The following CDYL2 variants were observed in gnomAD, a reference collection of about 807,000 sequenced individuals.
CDYL2 encodes the protein chromodomain Y-like protein 2.
In CDYL2, 23 loss-of-function variants were observed where a neutral mutation model predicts 49.4. That is an observed-to-expected ratio of 0.47 (90% CI 0.34 to 0.66). The LOEUF is 0.66. Ranked by LOEUF, CDYL2 falls within the 30% of genes least tolerant of loss-of-function variation. The pLI is 0.01. For missense variants in CDYL2, 678 were observed against 656.4 expected, an observed-to-expected ratio of 1.03 and a Z score of -0.36; for synonymous variants, 360 against 268.8, an observed-to-expected ratio of 1.34 and a Z score of -3.32.
rs1907653330 is a variant in CDYL2, at chr16:80,633,201, T to A, written c.652A>T (p.Ser218Cys). The A allele has an allele frequency of 3.1e-6, 5 of 1,614,210 alleles. No homozygotes were observed. In the East Asian group the frequency reaches 1.1e-4, roughly 36 times the overall value. ...ALTNGGLNLHSPVKRKLEAEK... is the reference protein window; with the variant it reads ...ALTNGGLNLHCPVKRKLEAEK... ...GCTTCCAGCTTCCTCTTCACTGGAC[T>A]GTGCAGGTTCAATCCCCCGTTGGTC... Residue 218 changes from serine (S) to cysteine (C), a missense_variant, in exon 3 of 7, where the codon AGT becomes TGT. Coordinates refer to ENST00000570137, the MANE Select transcript of CDYL2 (RefSeq NM_152342.4).
At chr16:80,663,302 A>C (rs2142438581) in intron 2 of CDYL2, among the ~76,000 whole-genome samples, 1 of 151,476 alleles carries the variant, frequency 6.6e-6, no homozygotes, top group African/African-American at 2.4e-5. Context: ...GGGAGAGTTA[A>C]ATAAAAGAGA....
intron 2 of CDYL2, among the ~76,000 whole-genome samples, chr16:80,657,203 T>C (rs1567558591): frequency 2.6e-5 from 4 of 152,138 alleles, no homozygotes; most frequent in African/African-American, 9.7e-5. Context: ...CATGAAACAA[T>C]TTGACAAGGA....
At chr16:80,784,090 TA>T (rs552163427) in intron 1 of CDYL2, among the ~76,000 whole-genome samples, 148 of 152,336 alleles carry the variant, frequency 9.7e-4, no homozygotes, top group African/African-American at 3.5e-3. Flanking sequence ...TAAATATATA[TA>T]AGTACTTTTG....
At chr16:80,693,246 T>C (rs1910488737) in intron 1 of CDYL2, among the ~76,000 whole-genome samples, 1 of 152,156 alleles carries the variant, frequency 6.6e-6, no homozygotes, top group Non-Finnish European at 1.5e-5. Flanking sequence ...CAAAAGTCAC[T>C]TTTACACTGA....
At chr16:80,640,674 T>C (rs1019298369) in intron 2 of CDYL2, among the ~76,000 whole-genome samples, 1 of 152,170 alleles carries the variant, frequency 6.6e-6, no homozygotes, top group African/African-American at 2.4e-5. Context: ...GTAGCTGTTC[T>C]GAGGAAACTC....
At position 80,602,913 on chromosome 16, in the gene CDYL2, G is replaced by A. The variant is rs2315870; in HGVS notation, c.*1475C>T. On this transcript the variant is annotated 3_prime_UTR_variant, in exon 7 of 7. Coordinates refer to ENST00000570137, the MANE Select transcript of CDYL2 (RefSeq NM_152342.4). ...TCTGCTCTCAACTTCAGGTTTTCCT[G>A]AACTTTCTCCTCACCACTCAAAACC... 2.2e-5 allele frequency: 1 copy of A among 46,220 alleles called. No homozygotes were observed. Among genetic ancestry groups the A allele is most frequent in the Admixed American group, 2.3e-4 (1 of 4,360 alleles). 2.9% of individuals were successfully genotyped at this position (46,220 alleles called of 1,614,324 possible). A position where few individuals can be genotyped will look rare whatever the true frequency, so the allele number is the denominator to read the frequency against.
chr16:80,766,183 C>T (rs1260991758), intron 1 of CDYL2, among the ~76,000 whole-genome samples: 1 of 151,828 alleles, frequency 6.6e-6, no homozygotes, highest in East Asian at 1.9e-4. Context: ...ACGATAATGG[C>T]TGCACAACTC....
chr16:80,739,636 G>T (rs1212205636), intron 1 of CDYL2, among the ~76,000 whole-genome samples: 1 of 152,138 alleles, frequency 6.6e-6, no homozygotes, highest in Admixed American at 6.5e-5. Flanking sequence ...CCAGGAGTGT[G>T]CTGGCATCCT....
intron 2 of CDYL2, among the ~76,000 whole-genome samples, chr16:80,659,508 CACTAGAT>C (rs1908953831): frequency 6.6e-6 from 1 of 151,948 alleles, no homozygotes. Flanking sequence ...AAAATATCCA[CACTAGAT>C]ATTAAGGGGT....
intron 2 of CDYL2, chr16:80,670,973 G>T: frequency 2.2e-6 from 1 of 455,944 alleles, no homozygotes; most frequent in East Asian, 7.0e-5. Flanking sequence ...ATCTAAAGAA[G>T]GCTGCCTCAG....
In CDYL2 at chr16:80,612,335, G is replaced by A. The variant is rs1018345805; in HGVS notation, c.1218+291C>T. Among the ~76,000 whole-genome samples, 8 of 152,212 alleles carry A rather than the reference G, an allele frequency of 5.3e-5. No individual in the cohort carries two copies. The highest frequency in any genetic ancestry group is 1.9e-4 in the East Asian group (1 of 5,192). On this transcript the variant is annotated intron_variant, in intron 5 of 6. Transcript: ENST00000570137. This position sits in a 1 kb window ranked among gnomAD's most constrained non-coding sequence, Gnocchi z 5.0. The stretch of plus-strand genomic sequence containing the variant: ...TTTTGTTGTTAAAGCCACTGAGACC[G>A]TGGGCTGCTTGTCACAGCACCCAGC...
At chr16:80,676,331 G>C (rs1164827009) in intron 2 of CDYL2, among the ~76,000 whole-genome samples, 1 of 152,218 alleles carries the variant, frequency 6.6e-6, no homozygotes, top group African/African-American at 2.4e-5. Context: ...AAGTGTGTTG[G>C]CCTGGGGGTG....
chr16:80,712,799 C>T (rs1169346546), intron 1 of CDYL2, among the ~76,000 whole-genome samples: 1 of 152,200 alleles, frequency 6.6e-6, no homozygotes, highest in African/African-American at 2.4e-5. Context: ...CATAAGATAT[C>T]TGCTTCCTTT....
chr16:80,795,443 T>TTA (rs1290919116), intron 1 of CDYL2, among the ~76,000 whole-genome samples: 2 of 152,282 alleles, frequency 1.3e-5, no homozygotes, highest in East Asian at 3.9e-4. Context: ...ACCCATCGCT[T>TTA]TATAAAGTCC....
intron 1 of CDYL2, among the ~76,000 whole-genome samples, chr16:80,743,726 G>C (rs981263804): frequency 6.6e-6 from 1 of 151,958 alleles, no homozygotes; most frequent in South Asian, 2.1e-4. Context: ...AGTCCATCAA[G>C]ATTTTCTATA....
chr16:80,650,577 A>G (rs980231461), intron 2 of CDYL2, among the ~76,000 whole-genome samples: 1 of 152,214 alleles, frequency 6.6e-6, no homozygotes, highest in African/African-American at 2.4e-5. Context: ...TCAAAAAACT[A>G]AAAATAGAAA....
chr16:80,597,909 G>GT lies in CDYL2; in HGVS notation c.*6478dup, dbSNP rs1183740308. ...GGGAACACAAGCAAATGCAGACGAAGTTTCAACCTTTTTATTCAAAGCAGC... is the reference window on the plus strand; with the variant it reads ...GGGAACACAAGCAAATGCAGACGAAGTTTTCAACCTTTTTATTCAAAGCAGC... On this transcript the variant is annotated 3_prime_UTR_variant, in exon 7 of 7. Transcript: ENST00000570137. 2 of 152,178 alleles carry GT rather than the reference G, an allele frequency of 1.3e-5. No homozygotes were observed. The highest frequency in any genetic ancestry group is 2.9e-5 in the Non-Finnish European group (2 of 68,036). The allele number at this position is 152,178 out of a possible 1,614,324, so 9.4% of individuals were successfully genotyped here.
intron 1 of CDYL2, among the ~76,000 whole-genome samples, chr16:80,785,847 A>G (rs753734596): frequency 5.9e-5 from 9 of 152,226 alleles, no homozygotes; most frequent in Non-Finnish European, 1.0e-4. Context: ...AACCCGACAC[A>G]CAAAAGCAAT....
At chr16:80,670,053 G>A (rs1909436732) in intron 2 of CDYL2, among the ~76,000 whole-genome samples, 1 of 152,236 alleles carries the variant, frequency 6.6e-6, no homozygotes, top group Admixed American at 6.5e-5. Flanking sequence ...TCATCAAGTA[G>A]CTCATGCCAC....
Sources: allele counts gnomAD v4.1 joint callset (sites outside exome capture counted in the v4.1 genomes callset), GRCh38; gene constraint gnomAD v4.1.1; non-coding constraint Gnocchi (gnomAD v3.1); transcripts MANE v1.5; gene names NCBI Gene and HGNC (gene_info 2026-07-23, HGNC 2026-07-21).